PTGER4: variants seen among roughly 807,000 people sequenced by gnomAD.
The protein encoded by PTGER4 is prostaglandin E2 receptor EP4 subtype.
PTGER4 carries 11 observed loss-of-function variants against 33.2 expected under a neutral mutation model. The observed-to-expected ratio is 0.33, with a 90% CI of 0.21 to 0.55. The LOEUF (loss-of-function observed/expected upper bound fraction) is 0.55, where lower values mean the gene tolerates loss of function less well. Among genes scored for constraint, PTGER4 ranks in the 20% least tolerant of loss-of-function variants. The probability of loss-of-function intolerance (pLI) is 0.92; values close to 1 mark genes in which losing one functional copy is unlikely to be tolerated. For synonymous variants in PTGER4, 275 were observed against 281.5 expected, an observed-to-expected ratio of 0.98 and a Z score of 0.23; for missense variants, 481 against 650.2, an observed-to-expected ratio of 0.74 and a Z score of 2.83.
At chr5:40,742,239 C>T in the PTGER4 span, among the ~76,000 whole-genome samples, 1 of 151,836 alleles carries the variant, frequency 6.6e-6, no homozygotes, top group Admixed American at 6.6e-5. Flanking sequence ...TGGATTTCAG[C>T]CTTATAAGAA....
chr5:40,741,388 C>G, the PTGER4 span, among the ~76,000 whole-genome samples: 4 of 152,314 alleles, frequency 2.6e-5, no homozygotes, highest in South Asian at 8.3e-4. Flanking sequence ...GCTTGAATAG[C>G]TCTCCGCTCT....
the PTGER4 span, among the ~76,000 whole-genome samples, chr5:40,745,153 T>G: frequency 6.6e-6 from 1 of 152,148 alleles, no homozygotes; most frequent in African/African-American, 2.4e-5. Flanking sequence ...TAAAGAGACA[T>G]AATAACCAAA....
chr5:40,681,222 A>G lies in PTGER4; in HGVS notation c.229A>G (p.Ile77Val). The change falls in exon 2 of 3, where the codon ATC (isoleucine) becomes GTC (valine). Residue 77 changes from isoleucine (I) to valine (V), a missense_variant. This residue lies in a region of PTGER4 where 61 missense variants were observed against 145.2 expected (regional missense o/e 0.42). Transcript: ENST00000302472. This position sits in a 1 kb window ranked among gnomAD's most constrained non-coding sequence, Gnocchi z 9.8. ...LGTLLVSPVT[I>V]ATYMKGQWPG... ...CACTTTGTTGGTGAGCCCGGTGACC[A>G]TCGCCACGTACATGAAGGGCCAATG... 6.2e-7 allele frequency: 1 copy of G among 1,614,102 alleles called. No individual in the cohort carries two copies. The highest frequency in any genetic ancestry group is 1.1e-5 in the South Asian group (1 of 91,082).
chr5:40,704,482 C>A, the PTGER4 span, among the ~76,000 whole-genome samples: 1 of 152,018 alleles, frequency 6.6e-6, no homozygotes, highest in African/African-American at 2.4e-5. Context: ...AAGTCCAGGC[C>A]AGAGCAATCA....
At chr5:40,705,680 C>A in the PTGER4 span, among the ~76,000 whole-genome samples, 1 of 152,130 alleles carries the variant, frequency 6.6e-6, no homozygotes, top group Non-Finnish European at 1.5e-5. Context: ...TGAACAGACA[C>A]TTTTCAAAAG....
intron 2 of PTGER4, chr5:40,685,353 T>C: frequency 2.0e-6 from 2 of 976,796 alleles, no homozygotes; most frequent in Non-Finnish European, 2.4e-6. Context: ...TAAGGACAGA[T>C]AAAAACTTTG....
chr5:40,710,172 A>G, the PTGER4 span, among the ~76,000 whole-genome samples: 1 of 152,330 alleles, frequency 6.6e-6, no homozygotes, highest in African/African-American at 2.4e-5. Flanking sequence ...TTTGCAATCT[A>G]CTTATCTGAC....
Position 40,691,456 on chromosome 5 carries a change from A to G in PTGER4, c.868-323A>G, listed in dbSNP as rs530335836. 2.0e-5 allele frequency among the ~76,000 whole-genome samples: 3 copies of G among 152,340 alleles called. No individual in the cohort carries two copies. Among genetic ancestry groups the G allele is most frequent in the Non-Finnish European group, 1.5e-5 (1 of 68,034 alleles). On this transcript the variant is annotated intron_variant, in intron 2 of 2. Transcript: ENST00000302472. This position sits in a 1 kb window ranked among gnomAD's most constrained non-coding sequence, Gnocchi z 4.2. Reference sequence around the variant, plus strand: ...CGGCCTACCAAAATGCTGGGATTACAGGCGTGAGCCACCGCACCCAGCCTA... The same window carrying G: ...CGGCCTACCAAAATGCTGGGATTACGGGCGTGAGCCACCGCACCCAGCCTA...
chr5:40,685,347 G>C lies in PTGER4; in HGVS notation c.867+3487G>C, dbSNP rs183325825. ...CATTTGATCAGCAAAAGTTTATAAG[G>C]ACAGATAAAAACTTTGTAAATAGAT... On this transcript the variant is annotated intron_variant, in intron 2 of 2. Transcript: ENST00000302472. 41 of 957,332 alleles carry C rather than the reference G, an allele frequency of 4.3e-5. No homozygotes were observed. The African/African-American group carries it at 6.9e-4, about 16-fold the overall frequency. The allele number at this position is 957,332 out of a possible 1,614,324, so 59.3% of individuals were successfully genotyped here. A position where few individuals can be genotyped will look rare whatever the true frequency, so the allele number is the denominator to read the frequency against.
At chr5:40,710,234 AAAAC>A in the PTGER4 span, among the ~76,000 whole-genome samples, 3 of 152,216 alleles carry the variant, frequency 2.0e-5, no homozygotes, top group African/African-American at 4.8e-5. Context: ...TTACAAGAAA[AAAAC>A]AAACAACCCC....
chr5:40,732,395 T>C, the PTGER4 span, among the ~76,000 whole-genome samples: 630 of 151,906 alleles, frequency 4.1e-3, 3 homozygotes, highest in African/African-American at 0.015. Flanking sequence ...GTCCAAGTCC[T>C]GCAAAAGACA....
rs1741511879 is a variant in PTGER4, at chr5:40,693,002, G to T, written c.*624G>T. The T allele has an allele frequency of 2.2e-6, 2 of 911,492 alleles. No individual in the cohort carries two copies. The highest frequency in any genetic ancestry group is 5.1e-5 in the South Asian group (1 of 19,710). The allele number at this position is 911,492 out of a possible 1,614,324, so 56.5% of individuals were successfully genotyped here. On this transcript the variant is annotated 3_prime_UTR_variant, in exon 3 of 3. Coordinates refer to ENST00000302472, the MANE Select transcript of PTGER4 (RefSeq NM_000958.3). Reference sequence around the variant, plus strand: ...AAAGTTGAAAATTCATAGTAAGATTGATATCTATAAAATAGATATAAATTT... The same window carrying T: ...AAAGTTGAAAATTCATAGTAAGATTTATATCTATAAAATAGATATAAATTT...
chr5:40,697,226 AAAAGAAAGAAAGAAAG>A (rs70988803), downstream of PTGER4, among the ~76,000 whole-genome samples: 3,659 of 112,518 alleles, frequency 0.033, 98 homozygotes, highest in Non-Finnish European at 0.041. Context: ...AAGAAAGAAG[AAAAGAAAGAAAGAAAG>A]AAAGAAAGAA....
chr5:40,701,189 G>A, the PTGER4 span, among the ~76,000 whole-genome samples: 201 of 152,280 alleles, frequency 1.3e-3, 2 homozygotes, highest in South Asian at 6.2e-3. Flanking sequence ...TAACTGGCTG[G>A]AATGATAGAA....
At chr5:40,694,439 C>T (rs1278318984), downstream of PTGER4, among the ~76,000 whole-genome samples, 3 of 152,222 alleles carry the variant, frequency 2.0e-5, no homozygotes, top group African/African-American at 7.2e-5. Flanking sequence ...TAAAATACCA[C>T]AGATGGGTGG....
Position 40,692,779 on chromosome 5 carries a change from A to AT in PTGER4, c.*404dup. Reference sequence around the variant, plus strand: ...AACTATGAGGACTGCCTTATGGATGATTTAAGTGTCTCACTAAAGCATGAA... The same window carrying AT: ...AACTATGAGGACTGCCTTATGGATGATTTTAAGTGTCTCACTAAAGCATGAA... On this transcript the variant is annotated 3_prime_UTR_variant, in exon 3 of 3. Coordinates refer to ENST00000302472, the MANE Select transcript of PTGER4 (RefSeq NM_000958.3). 1.0e-6 allele frequency: 1 copy of AT among 994,076 alleles called. No individual in the cohort carries two copies. Among genetic ancestry groups the AT allele is most frequent in the Non-Finnish European group, 1.2e-6 (1 of 835,168 alleles). The allele number at this position is 994,076 out of a possible 1,614,324, so 61.6% of individuals were successfully genotyped here.
the PTGER4 span, among the ~76,000 whole-genome samples, chr5:40,743,378 T>C: frequency 1.3e-5 from 2 of 152,108 alleles, no homozygotes; most frequent in African/African-American, 4.8e-5. Context: ...ATAAGCACAG[T>C]TTAAGATGAA....
At position 40,681,749 on chromosome 5, in the gene PTGER4, C is replaced by T; in HGVS notation, c.756C>T (p.Ser252=). Residue 252 remains serine, a synonymous_variant, in exon 2 of 3, where the codon AGC becomes AGT. Coordinates refer to ENST00000302472, the MANE Select transcript of PTGER4 (RefSeq NM_000958.3). This position sits in a 1 kb window ranked among gnomAD's most constrained non-coding sequence, Gnocchi z 9.8. ...CCTCCCCAGCCTTGCCGCGCCTCAG[C>T]GACTTTCGGCGCCGCCGGAGCTTCC... ...PAASPALPRL[S]DFRRRRSFRR... is the part of the protein sequence containing the mutation. The T allele has an allele frequency of 6.3e-7, 1 of 1,595,520 alleles. No individual in the cohort carries two copies.
rs1741506468 is a variant in PTGER4, at chr5:40,692,720, G to A, written c.*342G>A. The A allele has an allele frequency of 9.6e-7, 1 of 1,039,296 alleles. No homozygotes were observed. The allele number at this position is 1,039,296 out of a possible 1,614,324, so 64.4% of individuals were successfully genotyped here. A position where few individuals can be genotyped will look rare whatever the true frequency, so the allele number is the denominator to read the frequency against. ...GCTTTGTCGTATTTGGCACACAGCA[G>A]AGGCCCAGATATTAGAAAGGCTCTA... On this transcript the variant is annotated 3_prime_UTR_variant, in exon 3 of 3. Transcript: ENST00000302472.
Sources: gnomAD v4.1 joint callset for allele counts (sites outside exome capture counted in the v4.1 genomes callset) on GRCh38, gnomAD v4.1.1 for gene constraint, gnomAD v4.1.1 regional missense constraint, Gnocchi (gnomAD v3.1) non-coding constraint, MANE v1.5 for transcripts, NCBI Gene and HGNC (gene_info 2026-07-23, HGNC 2026-07-21) for gene names.